The following PACS1 variants were observed in gnomAD, a reference collection of about 807,000 sequenced individuals.
PACS1 encodes PACS-1.
Under a neutral mutation model 115.0 loss-of-function variants are expected in PACS1, and 24 were observed. That is an observed-to-expected ratio of 0.21 (90% CI 0.15 to 0.29). The LOEUF (loss-of-function observed/expected upper bound fraction) is 0.29. PACS1 is among the 10% of genes least tolerant of loss of function. The pLI is 1.00. For synonymous variants in PACS1, 453 were observed against 504.5 expected, an observed-to-expected ratio of 0.90 and a Z score of 1.37; for missense variants, 838 against 1,251.2, an observed-to-expected ratio of 0.67 and a Z score of 4.98.
chr11:66,153,682 G>A (rs546866062), intron 1 of PACS1, among the ~76,000 whole-genome samples: 6 of 152,288 alleles, frequency 3.9e-5, no homozygotes, highest in African/African-American at 1.4e-4. Context: ...TCTGGGGGCT[G>A]AGGCAGGAGA....
At chr11:66,111,824 A>G (rs1021731297) in intron 1 of PACS1, among the ~76,000 whole-genome samples, 1 of 151,896 alleles carries the variant, frequency 6.6e-6, no homozygotes, top group Admixed American at 6.6e-5. Context: ...TAATTTTTGT[A>G]TTATAGAGAT....
At chr11:66,092,423 C>T (rs1263747169) in intron 1 of PACS1, among the ~76,000 whole-genome samples, 1 of 152,068 alleles carries the variant, frequency 6.6e-6, no homozygotes, top group African/African-American at 2.4e-5. Flanking sequence ...TGGATATTAG[C>T]CCTTTGTCAG....
intron 1 of PACS1, among the ~76,000 whole-genome samples, chr11:66,180,150 A>G (rs558384772): frequency 6.6e-6 from 1 of 152,010 alleles, no homozygotes; most frequent in South Asian, 2.1e-4. Flanking sequence ...CAGATTTTTT[A>G]TATTTTAATT....
chr11:66,177,056 G>A (rs1859882670), intron 1 of PACS1, among the ~76,000 whole-genome samples: 1 of 152,110 alleles, frequency 6.6e-6, no homozygotes, highest in Non-Finnish European at 1.5e-5. Context: ...TTTCAACAGT[G>A]GCTGTCTATC....
intron 1 of PACS1, among the ~76,000 whole-genome samples, chr11:66,184,312 CAAAAAAAAAAA>C (rs11309195): frequency 3.6e-5 from 2 of 56,018 alleles, no homozygotes; most frequent in Non-Finnish European, 6.1e-5. Flanking sequence ...GACCCTGTCT[CAAAAAAAAAAA>C]AAAAAAAAAA....
chr11:66,109,727 GT>G (rs1401572707), intron 1 of PACS1, among the ~76,000 whole-genome samples: 3 of 152,110 alleles, frequency 2.0e-5, no homozygotes, highest in Admixed American at 2.0e-4. Context: ...ATTTTGATTT[GT>G]TTCTGATTTC....
chr11:66,141,053 T>A (rs1471386842), intron 1 of PACS1, among the ~76,000 whole-genome samples: 1 of 152,194 alleles, frequency 6.6e-6, no homozygotes, highest in Admixed American at 6.5e-5. Context: ...TTTCTTGCTG[T>A]TAAAATGCAA....
At chr11:66,203,625 A>C (rs1234299552) in intron 2 of PACS1, among the ~76,000 whole-genome samples, 1 of 152,260 alleles carries the variant, frequency 6.6e-6, no homozygotes. Flanking sequence ...TATAGTAACC[A>C]AAACAGCATG....
intron 1 of PACS1, among the ~76,000 whole-genome samples, chr11:66,099,885 G>T (rs2134526257): frequency 6.6e-6 from 1 of 150,882 alleles, no homozygotes; most frequent in Admixed American, 6.6e-5. Flanking sequence ...TTTTGCTCTT[G>T]TTGCCCAGGC....
In PACS1 at chr11:66,193,511, C is replaced by T; in HGVS notation, c.382C>T (p.Leu128Phe). Residue 128 changes from leucine to phenylalanine, a missense_variant, in exon 2 of 24, where the codon CTC becomes TTC. This residue lies in a region of PACS1 where 223 missense variants were observed against 354.0 expected (regional missense o/e 0.63). Transcript: ENST00000320580. ...PRLFSLTLKK[L>F]VMLKEMDKDL... Reference sequence around the variant, plus strand: ...GCTATTCAGCTTGACCCTGAAGAAACTCGTCATGCTAAAAGAAATGGACAA... The same window carrying T: ...GCTATTCAGCTTGACCCTGAAGAAATTCGTCATGCTAAAAGAAATGGACAA... 2 of 1,613,422 alleles carry T rather than the reference C, an allele frequency of 1.2e-6. No homozygotes were observed. The highest frequency in any genetic ancestry group is 1.7e-6 in the Non-Finnish European group (2 of 1,179,382).
intron 1 of PACS1, among the ~76,000 whole-genome samples, chr11:66,130,542 C>T (rs1177948152): frequency 6.6e-6 from 1 of 152,042 alleles, no homozygotes; most frequent in African/African-American, 2.4e-5. Flanking sequence ...AATATGTATC[C>T]TTGGATATAT....
intron 1 of PACS1, among the ~76,000 whole-genome samples, chr11:66,090,594 G>C (rs940047781): frequency 1.3e-5 from 2 of 152,086 alleles, no homozygotes; most frequent in Non-Finnish European, 2.9e-5. Flanking sequence ...TTTTCTAAAA[G>C]TGTGTGTATG....
At chr11:66,120,898 A>T (rs755219433) in intron 1 of PACS1, 4 of 408,390 alleles carry the variant, frequency 9.8e-6, no homozygotes, top group African/African-American at 2.1e-5. Flanking sequence ...GGACGTCTTC[A>T]TGAAGTCCCC....
chr11:66,083,298 G>T (rs529647369), intron 1 of PACS1, among the ~76,000 whole-genome samples: 1 of 151,944 alleles, frequency 6.6e-6, no homozygotes, highest in Admixed American at 6.6e-5. Flanking sequence ...TGCCCTTGCC[G>T]TTAGTGGGGA....
chr11:66,228,374 A>G (rs1855509192), intron 11 of PACS1, among the ~76,000 whole-genome samples: 2 of 152,164 alleles, frequency 1.3e-5, no homozygotes, highest in South Asian at 2.1e-4. Context: ...TATGTTTTCT[A>G]TAGTAAATAA....
chr11:66,133,086 T>G (rs570441471), intron 1 of PACS1, among the ~76,000 whole-genome samples: 1 of 152,336 alleles, frequency 6.6e-6, no homozygotes, highest in African/African-American at 2.4e-5. Context: ...CATCTTTGCT[T>G]CTTTTTCATG....
chr11:66,141,724 C>CT (rs1255528465), intron 1 of PACS1, among the ~76,000 whole-genome samples: 9 of 151,782 alleles, frequency 5.9e-5, no homozygotes, highest in Non-Finnish European at 1.5e-5. Flanking sequence ...CCTCAGCCTC[C>CT]TACGTAATGG....
chr11:66,156,577 G>A (rs1265737936), intron 1 of PACS1, among the ~76,000 whole-genome samples: 1 of 151,972 alleles, frequency 6.6e-6, no homozygotes, highest in East Asian at 1.9e-4. Flanking sequence ...CTTTCCGGCT[G>A]GGCATGGTGG....
chr11:66,147,423 T>C (rs961254068), intron 1 of PACS1, among the ~76,000 whole-genome samples: 3 of 151,894 alleles, frequency 2.0e-5, no homozygotes, highest in East Asian at 3.9e-4. Flanking sequence ...AACACCAAAA[T>C]TGCCAAATAT....
Sources: gnomAD v4.1 joint callset for allele counts (sites outside exome capture counted in the v4.1 genomes callset) on GRCh38, gnomAD v4.1.1 for gene constraint, gnomAD v4.1.1 regional missense constraint, MANE v1.5 for transcripts, NCBI Gene and HGNC (gene_info 2026-07-23, HGNC 2026-07-21) for gene names.